The following AGBL4 variants were observed in gnomAD, a reference collection of about 807,000 sequenced individuals.
AGBL4 encodes cytosolic carboxypeptidase 6.
A neutral mutation model predicts 66.4 loss-of-function variants in AGBL4; 58 were observed. The ratio of observed to expected loss-of-function variants is 0.87; its 90% CI spans 0.71 to 1.09. The LOEUF (loss-of-function observed/expected upper bound fraction) is 1.09, where lower values mean the gene tolerates loss of function less well. Among genes scored for constraint, AGBL4 ranks in the 50% least tolerant of loss-of-function variants. AGBL4 has a pLI of 0.00. For synonymous variants in AGBL4, 234 were observed against 222.9 expected (o/e 1.05, Z -0.44); for missense variants, 579 against 631.0 (o/e 0.92, Z 0.88).
chr1:49,940,243 C>T (rs1294640300), intron 1 of AGBL4, among the ~76,000 whole-genome samples: 1 of 152,176 alleles, frequency 6.6e-6, no homozygotes, highest in East Asian at 1.9e-4. Flanking sequence ...AACACTTTTA[C>T]ACTGTTGGTG....
intron 3 of AGBL4, among the ~76,000 whole-genome samples, chr1:49,274,657 T>C (rs1644132081): frequency 1.3e-5 from 2 of 152,122 alleles, no homozygotes; most frequent in Admixed American, 1.3e-4. Flanking sequence ...AAGAAATTCA[T>C]AATATGGACC....
chr1:49,139,275 C>G (rs1306413461), intron 4 of AGBL4, among the ~76,000 whole-genome samples: 1 of 152,138 alleles, frequency 6.6e-6, no homozygotes, highest in Non-Finnish European at 1.5e-5. Context: ...ATAATTCAGG[C>G]AAACCTCACA....
At chr1:49,245,970 T>C (rs1651611603) in intron 3 of AGBL4, 106 bp from the exon 4 acceptor site, 1 of 786,332 alleles carries the variant, frequency 1.3e-6, no homozygotes, top group Non-Finnish European at 2.1e-6. Context: ...CCATATGGAC[T>C]AGCAGGCAAC....
intron 4 of AGBL4, among the ~76,000 whole-genome samples, chr1:49,213,428 C>T (rs1648828956): frequency 6.6e-6 from 1 of 152,008 alleles, no homozygotes. Context: ...TCCCTCATGG[C>T]TTGGTGCTGT....
intron 7 of AGBL4, among the ~76,000 whole-genome samples, chr1:48,657,197 A>G (rs1646034377): frequency 6.6e-6 from 1 of 152,212 alleles, no homozygotes; most frequent in Non-Finnish European, 1.5e-5. Flanking sequence ...TCAATTACAA[A>G]GGGGAGAATA....
chr1:48,541,700 C>T (rs557880892), intron 11 of AGBL4, among the ~76,000 whole-genome samples: 95 of 152,216 alleles, frequency 6.2e-4, no homozygotes, highest in African/African-American at 2.2e-3. Flanking sequence ...ACCCAAGAGA[C>T]GGAGGTTGCA....
intron 8 of AGBL4, among the ~76,000 whole-genome samples, chr1:48,643,747 T>C (rs1240727020): frequency 2.0e-5 from 3 of 151,476 alleles, no homozygotes. Flanking sequence ...AGGAAGGAGA[T>C]GAAACTTATC....
intron 1 of AGBL4, among the ~76,000 whole-genome samples, chr1:50,007,599 C>A (rs1661232154): frequency 6.6e-6 from 1 of 151,960 alleles, no homozygotes; most frequent in African/African-American, 2.4e-5. Context: ...TCTGTCCCTA[C>A]AAAAACAAAA....
intron 3 of AGBL4, among the ~76,000 whole-genome samples, chr1:49,299,944 A>G (rs1644713233): frequency 6.6e-6 from 1 of 151,964 alleles, no homozygotes; most frequent in African/African-American, 2.4e-5. Flanking sequence ...AGTTTTGCAT[A>G]CCTGGAATAA....
chr1:49,851,549 G>A, intron 1 of AGBL4, 31 bp from the exon 2 acceptor site: 7 of 1,542,558 alleles, frequency 4.5e-6, no homozygotes, highest in Non-Finnish European at 6.1e-6. Flanking sequence ...AAAAGTCAAA[G>A]TATATTCGGC....
At chr1:49,289,339 A>C (rs1239372297) in intron 3 of AGBL4, among the ~76,000 whole-genome samples, 3 of 152,260 alleles carry the variant, frequency 2.0e-5, no homozygotes, top group Admixed American at 2.0e-4. Flanking sequence ...AATGAATTAC[A>C]TGCAAAATAT....
chr1:49,619,829 C>T (rs925987662), intron 3 of AGBL4, among the ~76,000 whole-genome samples: 2 of 152,078 alleles, frequency 1.3e-5, no homozygotes, highest in East Asian at 1.9e-4. Context: ...CATCTACAAC[C>T]ATCTGATCTG....
chr1:49,937,231 A>C (rs1654166449), intron 1 of AGBL4, among the ~76,000 whole-genome samples: 1 of 152,148 alleles, frequency 6.6e-6, no homozygotes, highest in Admixed American at 6.5e-5. Flanking sequence ...CAAAGATCAA[A>C]AGAGACAAAA....
chr1:48,846,401 G>GAAATAAATAAAT (rs747460979), intron 6 of AGBL4, among the ~76,000 whole-genome samples: 1 of 150,798 alleles, frequency 6.6e-6, no homozygotes, highest in African/African-American at 2.4e-5. Flanking sequence ...AAGAAAGAAA[G>GAAATAAATAAAT]AAAGAAAGAA....
chr1:49,509,208 AAGG>A (rs959027125), intron 3 of AGBL4, among the ~76,000 whole-genome samples: 9 of 151,782 alleles, frequency 5.9e-5, no homozygotes, highest in African/African-American at 2.2e-4. Flanking sequence ...CCAGAGATAC[AAGG>A]AGAAGATTCA....
intron 4 of AGBL4, among the ~76,000 whole-genome samples, chr1:49,097,197 G>A (rs867511351): frequency 6.6e-5 from 10 of 152,148 alleles, no homozygotes; most frequent in Admixed American, 3.9e-4. Flanking sequence ...ATACATATGC[G>A]TACCAAAAGA....
chr1:49,438,300 T>C (rs138468214), intron 3 of AGBL4, among the ~76,000 whole-genome samples: 349 of 152,308 alleles, frequency 2.3e-3, no homozygotes, highest in African/African-American at 8.3e-3. Context: ...TCATTAAAAT[T>C]AGGCTCACTT....
chr1:48,867,250 G>A lies in AGBL4; in HGVS notation c.595-20C>T. On this transcript the variant is annotated intron_variant, in intron 5 of 13. Coordinates refer to ENST00000371839, the MANE Select transcript of AGBL4 (RefSeq NM_032785.4). ...TTGTTGCTGCAAAAGAAAACACACT[G>A]TGAGGGCACTGATTTGAGCCAGAGC... 1 of 1,613,030 alleles carries A rather than the reference G, an allele frequency of 6.2e-7. No individual in the cohort carries two copies. The highest frequency in any genetic ancestry group is 1.3e-5 in the African/African-American group (1 of 75,048).
chr1:49,761,421 T>G (rs1332059797), intron 2 of AGBL4, among the ~76,000 whole-genome samples: 4 of 152,170 alleles, frequency 2.6e-5, no homozygotes, highest in Non-Finnish European at 5.9e-5. Flanking sequence ...AAAAGGACTC[T>G]GTGAAATGAG....
Sources: allele counts gnomAD v4.1 joint callset (sites outside exome capture counted in the v4.1 genomes callset), GRCh38; gene constraint gnomAD v4.1.1; transcripts MANE v1.5; gene names NCBI Gene and HGNC (gene_info 2026-07-23, HGNC 2026-07-21).